CAMK2A: variants seen among roughly 807,000 people sequenced by gnomAD.
CAMK2A encodes calcium/calmodulin dependent protein kinase II alpha, also known as calcium/calmodulin-dependent protein kinase type II subunit alpha.
A neutral mutation model predicts 79.2 loss-of-function variants in CAMK2A; 7 were observed. The ratio of observed to expected loss-of-function variants is 0.09; its 90% confidence interval spans 0.05 to 0.17. The LOEUF is 0.17. Ranked by LOEUF, CAMK2A falls within the 10% of genes least tolerant of loss-of-function variation. The pLI, the probability that CAMK2A is intolerant of heterozygous loss-of-function variation, is 1.00. For synonymous variants in CAMK2A, 242 were observed against 251.7 expected (o/e 0.96, Z 0.36); for missense variants, 214 against 646.4 (o/e 0.33, Z 7.25).
At chr5:150,278,273 T>C (rs910228983) in intron 1 of CAMK2A, among the ~76,000 whole-genome samples, 8 of 151,706 alleles carry the variant, frequency 5.3e-5, no homozygotes, top group African/African-American at 1.9e-4. Flanking sequence ...CCAGGCTCCA[T>C]CCCTGCCTGC....
Position 150,223,134 on chromosome 5 carries a change from C to T in CAMK2A, c.1321G>A (p.Ala441Thr), listed in dbSNP as rs752541567. The change falls in exon 18 of 19, where the codon GCC becomes ACC. Residue 441 changes from alanine to threonine, a missense_variant. Ala to Thr is a moderately conservative substitution (Grantham distance 58). Around this residue, in one of 4 missense-constraint regions of CAMK2A, gnomAD observed 123 missense variants for 242.4 expected, o/e 0.51. Coordinates refer to ENST00000671881, the MANE Select transcript of CAMK2A (RefSeq NM_015981.4). The surrounding 1 kb of genome is among the most constrained non-coding windows in gnomAD (Gnocchi z 4.1). ...HLMGDESACI[A>T]YIRITQYLDA... ...AGGTACTGCGTGATGCGGATGTAGG[C>T]GATGCAGGCTGACTCGTCGCCCATC... is the stretch of plus-strand genomic sequence containing the variant. 11 of 1,613,974 alleles carry T rather than the reference C, an allele frequency of 6.8e-6. No individual in the cohort carries two copies. The highest frequency in any genetic ancestry group is 9.3e-6 in the Non-Finnish European group (11 of 1,180,044).
chr5:150,245,534 G>A (rs534390522), intron 12 of CAMK2A, among the ~76,000 whole-genome samples: 8 of 152,152 alleles, frequency 5.3e-5, no homozygotes, highest in Admixed American at 4.6e-4. Context: ...TGTCACCACC[G>A]TGCTGGCGGT....
chr5:150,271,522 G>A (rs1756749492), intron 2 of CAMK2A, among the ~76,000 whole-genome samples: 1 of 152,140 alleles, frequency 6.6e-6, no homozygotes, highest in South Asian at 2.1e-4. Flanking sequence ...GCACCTGCTG[G>A]GCCCTGGCCC....
intron 18 of CAMK2A, 82 bp downstream of exon 18, chr5:150,222,907 C>A: frequency 6.9e-7 from 1 of 1,444,866 alleles, no homozygotes; most frequent in Non-Finnish European, 9.7e-7. Flanking sequence ...CTGAAGGCAG[C>A]AGCTTCCCCG....
chr5:150,232,305 A>T (rs1279004883), intron 15 of CAMK2A, among the ~76,000 whole-genome samples: 1 of 151,450 alleles, frequency 6.6e-6, no homozygotes, highest in Non-Finnish European at 1.5e-5. Flanking sequence ...GGGTGGGGTG[A>T]TGTGATGTAC....
intron 16 of CAMK2A, 125 bp downstream of exon 16, chr5:150,231,180 C>A (rs888843976): frequency 3.8e-5 from 19 of 499,930 alleles, no homozygotes; most frequent in South Asian, 9.9e-5. Context: ...ATGAGTTCAG[C>A]CCGATTCACA....
chr5:150,285,964 TG>T (rs1409756928), intron 1 of CAMK2A, among the ~76,000 whole-genome samples: 1 of 152,142 alleles, frequency 6.6e-6, no homozygotes, highest in African/African-American at 2.4e-5. Context: ...CTGGGCCATC[TG>T]CTGCATCCGT....
At position 150,221,143 on chromosome 5, in the gene CAMK2A, A is replaced by T. The variant is rs962632266; in HGVS notation, c.*1567T>A. On this transcript the variant is annotated 3_prime_UTR_variant, in exon 19 of 19. Coordinates refer to ENST00000671881, the MANE Select transcript of CAMK2A (RefSeq NM_015981.4). ...TCTATTTTTTTTTTTAGTCCAAAAC[A>T]TGTAGATTGGTTTTGTTGAGTGTTT... 9 of 279,234 alleles carry T rather than the reference A, an allele frequency of 3.2e-5. No individual in the cohort carries two copies. The highest frequency in any genetic ancestry group is 1.0e-3 in the Middle Eastern group (1 of 996). 17.3% of individuals were successfully genotyped at this position (279,234 alleles called of 1,614,324 possible). A position where few individuals can be genotyped will look rare whatever the true frequency, so the allele number is the denominator to read the frequency against.
chr5:150,223,352 G>A lies in CAMK2A; in HGVS notation c.1238-135C>T. The A allele has an allele frequency of 1.5e-6, 1 of 674,684 alleles. No individual in the cohort carries two copies. Among genetic ancestry groups the A allele is most frequent in the South Asian group, 1.8e-5 (1 of 54,694 alleles). 41.8% of individuals were successfully genotyped at this position (674,684 alleles called of 1,614,324 possible). ...ACTCATTTGCAGGGAAGGGGCCTGT[G>A]TGGCAGGACTCAGCTACCTGGGATC... is the stretch of plus-strand genomic sequence containing the variant. On this transcript the variant is annotated intron_variant, in intron 17 of 18. Coordinates refer to ENST00000671881, the MANE Select transcript of CAMK2A (RefSeq NM_015981.4). This position sits in a 1 kb window ranked among gnomAD's most constrained non-coding sequence, Gnocchi z 4.1.
chr5:150,281,203 G>C (rs544904437), intron 1 of CAMK2A, among the ~76,000 whole-genome samples: 1 of 152,318 alleles, frequency 6.6e-6, no homozygotes, highest in African/African-American at 2.4e-5. Context: ...CCCCACTCTT[G>C]GTTAAGATAC....
intron 17 of CAMK2A, among the ~76,000 whole-genome samples, chr5:150,224,854 G>T (rs150567350): frequency 1.8e-4 from 10 of 55,760 alleles, no homozygotes; most frequent in Non-Finnish European, 3.0e-4. Context: ...TGAAAAAAAC[G>T]CAGTGGAATC....
chr5:150,274,074 T>C (rs1230834578), intron 1 of CAMK2A, among the ~76,000 whole-genome samples: 2 of 152,340 alleles, frequency 1.3e-5, no homozygotes, highest in African/African-American at 2.4e-5. Flanking sequence ...TCCTTTGCCC[T>C]TGTCAACACA....
intron 3 of CAMK2A, among the ~76,000 whole-genome samples, chr5:150,264,626 G>A (rs1338493687): frequency 6.6e-6 from 1 of 152,206 alleles, no homozygotes; most frequent in Non-Finnish European, 1.5e-5. Flanking sequence ...TGTGGGTATG[G>A]GGAATGGGCC....
intron 1 of CAMK2A, among the ~76,000 whole-genome samples, chr5:150,283,126 C>A (rs1274671581): frequency 3.3e-5 from 5 of 152,228 alleles, no homozygotes; most frequent in Admixed American, 2.0e-4. Flanking sequence ...AGCTTCCAGA[C>A]CTTCACCACC....
chr5:150,227,275 GA>G lies in CAMK2A; in HGVS notation c.1237+916del, dbSNP rs1754645439. 3.3e-5 allele frequency among the ~76,000 whole-genome samples: 5 copies of G among 152,296 alleles called. No homozygotes were observed. The South Asian group carries it at 1.0e-3, about 32-fold the overall frequency. ...AATTACAAAGTGGCAGAGAGGTGTTGAAAACAGGCTAGCACCCAGCAGAGTC... is the reference window on the plus strand; with the variant it reads ...AATTACAAAGTGGCAGAGAGGTGTTGAAACAGGCTAGCACCCAGCAGAGTC... On this transcript the variant is annotated intron_variant, in intron 17 of 18. Transcript: ENST00000671881.
At chr5:150,228,665 A>C (rs932274423) in intron 16 of CAMK2A, among the ~76,000 whole-genome samples, 1 of 152,084 alleles carries the variant, frequency 6.6e-6, no homozygotes, top group Non-Finnish European at 1.5e-5. Context: ...AGGGCAGTGG[A>C]TCCAGAGGGG....
At chr5:150,241,702 T>C in intron 13 of CAMK2A, among the ~76,000 whole-genome samples, 1 of 134,034 alleles carries the variant, frequency 7.5e-6, no homozygotes, top group African/African-American at 2.9e-5. Flanking sequence ...TCCTCCTCCT[T>C]CCTCTCTTCC....
At chr5:150,288,440 C>T (rs1222613256) in intron 1 of CAMK2A, among the ~76,000 whole-genome samples, 2 of 152,196 alleles carry the variant, frequency 1.3e-5, no homozygotes, top group African/African-American at 4.8e-5. Flanking sequence ...GGTGCACATG[C>T]ATGAATGCTT....
At chr5:150,278,313 A>G (rs914860706) in intron 1 of CAMK2A, among the ~76,000 whole-genome samples, 2 of 151,926 alleles carry the variant, frequency 1.3e-5, no homozygotes, top group Non-Finnish European at 2.9e-5. Context: ...GGAAAGTCAT[A>G]GCCAAAATGA....
Sources: allele counts gnomAD v4.1 joint callset (sites outside exome capture counted in the v4.1 genomes callset), GRCh38; gene constraint gnomAD v4.1.1; regional missense constraint gnomAD v4.1.1; non-coding constraint Gnocchi (gnomAD v3.1); transcripts MANE v1.5; gene names NCBI Gene and HGNC (gene_info 2026-07-23, HGNC 2026-07-21).